Variants in MAF observed in about 807,000 individuals in gnomAD.
MAF encodes MAF bZIP transcription factor, also known as transcription factor Maf.
MAF carries 10 observed loss-of-function variants against 22.0 expected under a neutral mutation model. The observed-to-expected ratio is 0.45, with a 90% CI of 0.28 to 0.77. The LOEUF is 0.77. Among genes scored for constraint, MAF ranks in the 30% least tolerant of loss-of-function variants. The pLI is 0.12. For synonymous variants in MAF, 337 were observed against 255.8 expected (o/e 1.32, Z -3.03); for missense variants, 544 against 548.4 (o/e 0.99, Z 0.08).
the MAF span, among the ~76,000 whole-genome samples, chr16:79,500,725 T>C: frequency 6.6e-6 from 1 of 152,092 alleles, no homozygotes; most frequent in African/African-American, 2.4e-5. Context: ...AGCATCACAG[T>C]GATTTTTTAC....
At chr16:79,388,830 G>A in the MAF span, among the ~76,000 whole-genome samples, 10 of 152,128 alleles carry the variant, frequency 6.6e-5, no homozygotes, top group Non-Finnish European at 2.9e-5. Context: ...GGAAAACTGA[G>A]GCCCAGAGAA....
At chr16:79,247,251 A>G in the MAF span, among the ~76,000 whole-genome samples, 2 of 152,240 alleles carry the variant, frequency 1.3e-5, no homozygotes, top group African/African-American at 4.8e-5. Context: ...TCAGCAAGTG[A>G]GTCAAAGGAG....
the MAF span, among the ~76,000 whole-genome samples, chr16:79,216,637 G>A: frequency 6.6e-6 from 1 of 152,042 alleles, no homozygotes; most frequent in African/African-American, 2.4e-5. Flanking sequence ...GGTAGGCTGG[G>A]CTATGCTATG....
chr16:79,242,362 G>T, the MAF span, among the ~76,000 whole-genome samples: 1 of 134,892 alleles, frequency 7.4e-6, no homozygotes, highest in African/African-American at 2.7e-5. Context: ...AAGCAAATGG[G>T]AAGCAAAAAA....
chr16:79,503,782 G>A, the MAF span, among the ~76,000 whole-genome samples: 6 of 152,194 alleles, frequency 3.9e-5, no homozygotes, highest in East Asian at 3.8e-4. Flanking sequence ...TGCTTGGTCC[G>A]TGTTTCTGCC....
the MAF span, among the ~76,000 whole-genome samples, chr16:79,573,653 A>G: frequency 1.3e-5 from 2 of 152,220 alleles, no homozygotes; most frequent in African/African-American, 4.8e-5. Context: ...TGTTCAATGA[A>G]ATCTTAAAAT....
chr16:79,600,704 T>A lies in MAF; in HGVS notation c.-802A>T, dbSNP rs145695201. 3.6e-5 allele frequency: 7 copies of A among 194,628 alleles called. No individual in the cohort carries two copies. The highest frequency in any genetic ancestry group is 7.1e-5 in the Non-Finnish European group (6 of 84,332). The allele number at this position is 194,628 out of a possible 1,614,324, so 12.1% of individuals were successfully genotyped here. A position where few individuals can be genotyped will look rare whatever the true frequency, so the allele number is the denominator to read the frequency against. On this transcript the variant is annotated 5_prime_UTR_variant, in exon 1 of 2. Coordinates refer to ENST00000326043, the MANE Select transcript of MAF (RefSeq NM_005360.5). ...AGCAGCCCGAGCTACAGCTAGAAGA[T>A]GAAAAAAGATTTTAAAGCCTCTGAT...
the MAF span, among the ~76,000 whole-genome samples, chr16:79,538,875 G>GA: frequency 0.01 from 351 of 34,490 alleles, 2 homozygotes; most frequent in African/African-American, 0.018. Flanking sequence ...GAAAAGAAAA[G>GA]AAAGAAAGAA....
chr16:79,552,073 C>G, the MAF span, among the ~76,000 whole-genome samples: 1 of 152,090 alleles, frequency 6.6e-6, no homozygotes, highest in Non-Finnish European at 1.5e-5. Flanking sequence ...AGACCTGAAA[C>G]CTAACCGCCC....
At chr16:79,426,620 C>T in the MAF span, among the ~76,000 whole-genome samples, 3 of 152,192 alleles carry the variant, frequency 2.0e-5, no homozygotes, top group Non-Finnish European at 4.4e-5. Context: ...AAACAGAACA[C>T]AGATTCCCCG....
At chr16:79,431,717 T>C in the MAF span, among the ~76,000 whole-genome samples, 1 of 152,194 alleles carries the variant, frequency 6.6e-6, no homozygotes, top group Non-Finnish European at 1.5e-5. Context: ...GTGATTTCAT[T>C]TGCATCACTA....
At chr16:79,317,423 C>T in the MAF span, among the ~76,000 whole-genome samples, 1 of 146,318 alleles carries the variant, frequency 6.8e-6, no homozygotes, top group Non-Finnish European at 1.5e-5. Flanking sequence ...TCCCTCCTTT[C>T]TCCCTTTCTT....
chr16:79,327,756 T>A, the MAF span, among the ~76,000 whole-genome samples: 1 of 152,206 alleles, frequency 6.6e-6, no homozygotes, highest in Admixed American at 6.5e-5. Context: ...TCTCTTTTAA[T>A]CTTCACAAGT....
intron 1 of MAF, chr16:79,595,323 G>C: frequency 2.9e-6 from 3 of 1,050,368 alleles, no homozygotes; most frequent in Non-Finnish European, 3.4e-6. Context: ...TAGGCAGGAA[G>C]GCCAGATGAT....
At chr16:79,366,703 C>G in the MAF span, among the ~76,000 whole-genome samples, 1 of 152,206 alleles carries the variant, frequency 6.6e-6, no homozygotes, top group Non-Finnish European at 1.5e-5. Context: ...AGGAACCTCC[C>G]TATGGGGGTT....
the MAF span, among the ~76,000 whole-genome samples, chr16:79,273,687 C>T: frequency 5.2e-5 from 4 of 77,488 alleles, no homozygotes; most frequent in Non-Finnish European, 1.3e-4. Flanking sequence ...CTGACCTCTT[C>T]TGCCTCCCTC....
chr16:79,515,808 G>T, the MAF span, among the ~76,000 whole-genome samples: 1 of 152,126 alleles, frequency 6.6e-6, no homozygotes, highest in Non-Finnish European at 1.5e-5. Context: ...TCCAGTGATG[G>T]AATCACTACA....
At chr16:79,325,300 C>T in the MAF span, among the ~76,000 whole-genome samples, 6 of 152,178 alleles carry the variant, frequency 3.9e-5, no homozygotes, top group East Asian at 1.9e-4. Flanking sequence ...GAGCGACAAC[C>T]GTGCATGCAA....
chr16:79,429,688 G>A, the MAF span, among the ~76,000 whole-genome samples: 287 of 152,208 alleles, frequency 1.9e-3, 2 homozygotes, highest in African/African-American at 6.7e-3. Flanking sequence ...ATGCACCAGT[G>A]AACAGAGGCA....
Sources: gnomAD v4.1 joint callset for allele counts (sites outside exome capture counted in the v4.1 genomes callset) on GRCh38, gnomAD v4.1.1 for gene constraint, MANE v1.5 for transcripts, NCBI Gene and HGNC (gene_info 2026-07-23, HGNC 2026-07-21) for gene names.